Variants in FHIT observed in about 807,000 individuals in gnomAD.
The protein encoded by FHIT is bis(5'-adenosyl)-triphosphatase.
FHIT carries 19 observed loss-of-function variants against 17.9 expected under a neutral mutation model. That is an observed-to-expected ratio of 1.06 (90% CI 0.74 to 1.56). The LOEUF is 1.56. FHIT is among the 40% of genes most tolerant of loss of function. FHIT has a pLI of 0.00. For missense variants in FHIT, 248 were observed against 189.2 expected, an observed-to-expected ratio of 1.31 and a Z score of -1.82; for synonymous variants, 81 against 69.7, an observed-to-expected ratio of 1.16 and a Z score of -0.81.
chr3:61,221,544 G>C (rs1260591542), intron 1 of FHIT, among the ~76,000 whole-genome samples: 1 of 150,696 alleles, frequency 6.6e-6, no homozygotes, highest in Non-Finnish European at 1.5e-5. Context: ...CTCTGTTCCT[G>C]GAGCATCTAC....
intron 4 of FHIT, among the ~76,000 whole-genome samples, chr3:60,769,654 T>C (rs782021427): frequency 6.6e-6 from 1 of 152,200 alleles, no homozygotes; most frequent in Non-Finnish European, 1.5e-5. Context: ...AAGTCGGGTA[T>C]AGAAACAGTG....
intron 5 of FHIT, among the ~76,000 whole-genome samples, chr3:60,496,335 T>C (rs1236561720): frequency 2.0e-5 from 3 of 151,942 alleles, no homozygotes; most frequent in South Asian, 4.1e-4. Context: ...ATGGAAAAAA[T>C]TGGCAAAGAA....
At chr3:59,765,692 C>T (rs1336855104) in intron 8 of FHIT, among the ~76,000 whole-genome samples, 2 of 152,168 alleles carry the variant, frequency 1.3e-5, no homozygotes, top group African/African-American at 2.4e-5. Context: ...TTAGCATTAC[C>T]TCCTAAAGTT....
At chr3:60,175,919 T>A (rs12635040) in intron 5 of FHIT, among the ~76,000 whole-genome samples, 4 of 151,928 alleles carry the variant, frequency 2.6e-5, no homozygotes, top group Admixed American at 2.0e-4. Context: ...CCTGTGATAA[T>A]AGAACTGTTC....
At chr3:61,019,496 C>T (rs1008951006) in intron 3 of FHIT, among the ~76,000 whole-genome samples, 2 of 152,096 alleles carry the variant, frequency 1.3e-5, no homozygotes, top group Admixed American at 6.6e-5. Flanking sequence ...TCTTCATTAC[C>T]GTGAATAGGA....
At chr3:61,026,073 A>T (rs543367838) in intron 3 of FHIT, among the ~76,000 whole-genome samples, 1 of 152,256 alleles carries the variant, frequency 6.6e-6, no homozygotes, top group East Asian at 1.9e-4. Context: ...TTATCTTTAC[A>T]TCTATACTTT....
At chr3:60,778,349 C>T (rs781873247) in intron 4 of FHIT, among the ~76,000 whole-genome samples, 9 of 152,116 alleles carry the variant, frequency 5.9e-5, no homozygotes, top group Non-Finnish European at 1.2e-4. Flanking sequence ...AGCTATAGGA[C>T]TTTGACAGGT....
Position 60,644,355 on chromosome 3 carries a change from C to G in FHIT, c.-17-107376G>C, listed in dbSNP as rs143499302. Among the ~76,000 whole-genome samples, 299 of 152,136 alleles carry G rather than the reference C, an allele frequency of 2.0e-3. 1 individual carries two copies. The highest frequency in any genetic ancestry group is 6.6e-3 in the African/African-American group (275 of 41,492). The stretch of plus-strand genomic sequence containing the variant: ...ATACAAGCATGTTGAAAAACTGATA[C>G]CGTGAAATATTGAAAATTTGAAATT... On this transcript the variant is annotated intron_variant, in intron 4 of 9. Transcript: ENST00000492590.
intron 1 of FHIT, among the ~76,000 whole-genome samples, chr3:61,202,448 G>C (rs2039053865): frequency 7.3e-6 from 1 of 136,378 alleles, no homozygotes; most frequent in Non-Finnish European, 1.6e-5. Context: ...ACAGCCTTGT[G>C]TGTGATCTTT....
At chr3:59,769,537 C>T (rs1321035009) in intron 8 of FHIT, among the ~76,000 whole-genome samples, 3 of 152,182 alleles carry the variant, frequency 2.0e-5, no homozygotes, top group East Asian at 1.9e-4. Flanking sequence ...CTGCTCACCA[C>T]GTATTACATT....
chr3:60,964,639 G>A (rs372347667), intron 3 of FHIT, among the ~76,000 whole-genome samples: 1 of 152,072 alleles, frequency 6.6e-6, no homozygotes, highest in African/African-American at 2.4e-5. Context: ...TGGTGACAAA[G>A]TCTCTCAGCA....
intron 5 of FHIT, among the ~76,000 whole-genome samples, chr3:60,382,479 C>A (rs1700842880): frequency 6.6e-6 from 1 of 152,194 alleles, no homozygotes; most frequent in African/African-American, 2.4e-5. Flanking sequence ...TGAGACAATT[C>A]ATCTTCTTAT....
intron 4 of FHIT, among the ~76,000 whole-genome samples, chr3:60,724,613 C>T (rs1388840618): frequency 1.3e-5 from 2 of 151,550 alleles, no homozygotes; most frequent in African/African-American, 4.9e-5. Flanking sequence ...TCTAATTTCT[C>T]CACATCCTTG....
intron 4 of FHIT, among the ~76,000 whole-genome samples, chr3:60,546,470 T>G (rs374793953): frequency 6.6e-6 from 1 of 152,206 alleles, no homozygotes; most frequent in South Asian, 2.1e-4. Flanking sequence ...CTAACTTTTA[T>G]GCTGAATTGA....
rs564567194 is a variant in FHIT at position 60,451,442 on chromosome 3, C to A, written c.103+85418G>T. The stretch of plus-strand genomic sequence containing the variant: ...TCATCTCCTTAATGGACTGGTACAT[C>A]TTGTCTTTGACATATTTAACTGTTA... On this transcript the variant is annotated intron_variant, in intron 5 of 9. Coordinates refer to ENST00000492590, the MANE Select transcript of FHIT (RefSeq NM_002012.4). Among the ~76,000 whole-genome samples, 8 of 152,236 alleles carry A rather than the reference C, an allele frequency of 5.3e-5. No homozygotes were observed. The East Asian group carries it at 1.4e-3, about 26-fold the overall frequency.
Position 60,534,402 on chromosome 3 carries a change from C to T in FHIT, c.103+2458G>A, listed in dbSNP as rs2035902599. 3.1e-5 allele frequency among the ~76,000 whole-genome samples: 4 copies of T among 129,268 alleles called. No individual in the cohort carries two copies. The South Asian group carries it at 8.7e-4, about 28-fold the overall frequency. 84.8% of individuals were successfully genotyped at this position (129,268 alleles called of 152,430 possible). On this transcript the variant is annotated intron_variant, in intron 5 of 9. Transcript: ENST00000492590. ...GAGCCGAGATTGCGCCACTGCAGTC[C>T]GCAGTCCGGCCTGGGCGACAGAGCG... is the stretch of plus-strand genomic sequence containing the variant.
chr3:60,374,485 G>A (rs1040175937), intron 5 of FHIT, among the ~76,000 whole-genome samples: 5 of 151,430 alleles, frequency 3.3e-5, no homozygotes, highest in Non-Finnish European at 5.9e-5. Flanking sequence ...AAAAAAACAC[G>A]TTAATGTGAA....
intron 4 of FHIT, among the ~76,000 whole-genome samples, chr3:60,570,250 A>G (rs1478323390): frequency 1.3e-5 from 2 of 152,216 alleles, no homozygotes; most frequent in African/African-American, 4.8e-5. Context: ...CTGTCCTATG[A>G]TAACATAAGC....
intron 8 of FHIT, among the ~76,000 whole-genome samples, chr3:59,766,902 A>G (rs1701822982): frequency 6.6e-6 from 1 of 152,222 alleles, no homozygotes; most frequent in Non-Finnish European, 1.5e-5. Context: ...GTTCATTGAC[A>G]TTAGAGTAAA....
Sources: gnomAD v4.1 joint callset for allele counts (sites outside exome capture counted in the v4.1 genomes callset) on GRCh38, gnomAD v4.1.1 for gene constraint, MANE v1.5 for transcripts, NCBI Gene and HGNC (gene_info 2026-07-23, HGNC 2026-07-21) for gene names.